NALCN: variants seen among roughly 807,000 people sequenced by gnomAD.
NALCN encodes the protein sodium leak channel NALCN.
NALCN carries 111 observed loss-of-function variants against 225.3 expected under a neutral mutation model. The observed-to-expected ratio is 0.49, with a 90% CI of 0.42 to 0.58. NALCN has a LOEUF of 0.58. Among genes scored for constraint, NALCN ranks in the 20% least tolerant of loss-of-function variants. The pLI, the probability that NALCN is intolerant of heterozygous loss-of-function variation, is 0.00. For synonymous variants in NALCN, 764 were observed against 769.0 expected (o/e 0.99, Z 0.11); for missense variants, 1,378 against 2,202.4 (o/e 0.63, Z 7.49).
intron 15 of NALCN, among the ~76,000 whole-genome samples, chr13:101,160,255 T>A (rs982003800): frequency 6.6e-6 from 1 of 152,216 alleles, no homozygotes; most frequent in Non-Finnish European, 1.5e-5. Context: ...TGTGGACCAC[T>A]CAGTGGAAGG....
chr13:101,080,839 G>GA (rs2139504699), intron 34 of NALCN, among the ~76,000 whole-genome samples: 1 of 151,420 alleles, frequency 6.6e-6, no homozygotes, highest in South Asian at 2.1e-4. Context: ...GTGGCTTCTA[G>GA]AAAATGTTAA....
chr13:101,308,681 T>C (rs1035592244), intron 7 of NALCN, among the ~76,000 whole-genome samples: 26 of 152,330 alleles, frequency 1.7e-4, no homozygotes, highest in African/African-American at 6.3e-4. Flanking sequence ...TTCACAAGGA[T>C]GTCTGTTTGG....
chr13:101,233,703 T>C (rs1347958027), intron 12 of NALCN, among the ~76,000 whole-genome samples: 1 of 152,102 alleles, frequency 6.6e-6, no homozygotes, highest in Non-Finnish European at 1.5e-5. Context: ...ACAGATTTCT[T>C]GAGACCTCAA....
At chr13:101,165,637 G>C (rs914363352) in intron 15 of NALCN, among the ~76,000 whole-genome samples, 1 of 152,092 alleles carries the variant, frequency 6.6e-6, no homozygotes, top group Non-Finnish European at 1.5e-5. Context: ...GTCCGGCTAG[G>C]CTAATTTTTT....
intron 39 of NALCN, among the ~76,000 whole-genome samples, chr13:101,065,811 G>C (rs1020000529): frequency 1.4e-4 from 22 of 152,196 alleles, no homozygotes; most frequent in Admixed American, 7.2e-4. Context: ...GCAGCATTTG[G>C]AGTGAGGCAT....
At chr13:101,320,729 TATCC>T (rs1448046800) in intron 7 of NALCN, among the ~76,000 whole-genome samples, 1 of 2,786 alleles carries the variant, frequency 3.6e-4, no homozygotes, top group Non-Finnish European at 9.8e-3. Context: ...TTCAGAGCTC[TATCC>T]TTCCTTGTTC....
At chr13:101,346,095 A>C (rs540400038) in intron 6 of NALCN, among the ~76,000 whole-genome samples, 1,907 of 95,902 alleles carry the variant, frequency 0.02, 28 homozygotes, top group South Asian at 0.046. Context: ...CTCTATATAT[A>C]TATATATATA....
intron 14 of NALCN, among the ~76,000 whole-genome samples, chr13:101,182,979 A>G (rs766614999): frequency 6.6e-6 from 1 of 152,190 alleles, no homozygotes; most frequent in Non-Finnish European, 1.5e-5. Context: ...ACCCAGTGCA[A>G]TGTGGATTTG....
rs530670393 is a variant in NALCN, at chr13:101,358,578, C to A, written c.645-13158G>T. ...TGGCGAGGATGTGGAGAAATAGGAA[C>A]GCTTTTACACTGTTGGTAGGAATGT... is the stretch of plus-strand genomic sequence containing the variant. On this transcript the variant is annotated intron_variant, in intron 6 of 43. Coordinates refer to ENST00000251127, the MANE Select transcript of NALCN (RefSeq NM_052867.4). Among the ~76,000 whole-genome samples the A allele has an allele frequency of 1.7e-4, 26 of 152,234 alleles. No individual in the cohort carries two copies. The East Asian group carries it at 5.0e-3, about 29-fold the overall frequency.
Position 101,301,740 on chromosome 13 carries a change from A to G in NALCN, c.800-9374T>C, listed in dbSNP as rs534362812. ...TGTCTCAAAAAAAAAAGACAAGACAAGAAAAAAAAAAACAAAACCCTACGC... is the reference window on the plus strand; with the variant it reads ...TGTCTCAAAAAAAAAAGACAAGACAGGAAAAAAAAAAACAAAACCCTACGC... On this transcript the variant is annotated intron_variant, in intron 7 of 43. Transcript: ENST00000251127. 5.1e-5 allele frequency among the ~76,000 whole-genome samples: 7 copies of G among 136,192 alleles called. No individual in the cohort carries two copies. The East Asian group carries it at 1.5e-3, about 29-fold the overall frequency. The allele number at this position is 136,192 out of a possible 152,430, so 89.3% of individuals were successfully genotyped here.
chr13:101,131,875 T>C (rs907258229), intron 17 of NALCN, among the ~76,000 whole-genome samples: 2 of 152,176 alleles, frequency 1.3e-5, no homozygotes, highest in Non-Finnish European at 2.9e-5. Flanking sequence ...GTCATCTTTA[T>C]AGAAGAAGGC....
intron 10 of NALCN, among the ~76,000 whole-genome samples, chr13:101,265,773 G>T (rs2042576035): frequency 6.6e-6 from 1 of 152,112 alleles, no homozygotes; most frequent in Admixed American, 6.5e-5. Flanking sequence ...CACAGAGATA[G>T]AAACATCTTA....
chr13:101,161,961 A>G (rs2038206881), intron 15 of NALCN, among the ~76,000 whole-genome samples: 1 of 152,012 alleles, frequency 6.6e-6, no homozygotes, highest in Non-Finnish European at 1.5e-5. Flanking sequence ...ACTTTTCCAC[A>G]CTTACTCTAT....
At chr13:101,376,373 C>T (rs1277904237) in intron 6 of NALCN, among the ~76,000 whole-genome samples, 4 of 151,942 alleles carry the variant, frequency 2.6e-5, no homozygotes, top group East Asian at 1.9e-4. Context: ...AAAAATTAGT[C>T]GGGCATGGTG....
chr13:101,167,952 G>T (rs888171037), intron 15 of NALCN, among the ~76,000 whole-genome samples: 1 of 151,722 alleles, frequency 6.6e-6, no homozygotes, highest in Non-Finnish European at 1.5e-5. Flanking sequence ...ATGTGTCTTT[G>T]CCTCCTTGGC....
intron 7 of NALCN, among the ~76,000 whole-genome samples, chr13:101,311,110 C>G (rs1234977222): frequency 6.6e-6 from 1 of 150,416 alleles, no homozygotes; most frequent in Non-Finnish European, 1.5e-5. Context: ...GTATTTTATT[C>G]TCTTTGAAGC....
intron 6 of NALCN, among the ~76,000 whole-genome samples, chr13:101,370,791 C>T (rs1264272525): frequency 6.6e-6 from 1 of 152,166 alleles, no homozygotes; most frequent in Non-Finnish European, 1.5e-5. Flanking sequence ...ATAAACTGCA[C>T]ATACGAAAGT....
chr13:101,273,516 A>G (rs1394181941), intron 10 of NALCN, among the ~76,000 whole-genome samples: 1 of 152,220 alleles, frequency 6.6e-6, no homozygotes, highest in Non-Finnish European at 1.5e-5. Context: ...CACATGTGTC[A>G]AGCATTTAAT....
At chr13:101,356,477 C>G (rs2046065028) in intron 6 of NALCN, among the ~76,000 whole-genome samples, 2 of 151,530 alleles carry the variant, frequency 1.3e-5, no homozygotes, top group African/African-American at 4.8e-5. Context: ...GACACACGCA[C>G]CCTCCCAAGA....
Sources: gnomAD v4.1 joint callset for allele counts (sites outside exome capture counted in the v4.1 genomes callset) on GRCh38, gnomAD v4.1.1 for gene constraint, MANE v1.5 for transcripts, NCBI Gene and HGNC (gene_info 2026-07-23, HGNC 2026-07-21) for gene names.